Variants in ABCF2 observed in about 807,000 individuals in gnomAD.
ABCF2 encodes ATP binding cassette subfamily F member 2.
A neutral mutation model predicts 76.9 loss-of-function variants in ABCF2; 37 were observed. That is an observed-to-expected ratio of 0.48 (90% CI 0.37 to 0.63). ABCF2 has a LOEUF of 0.63. Ranked by LOEUF, ABCF2 falls within the 30% of genes least tolerant of loss-of-function variation. The pLI is 0.00. For missense variants in ABCF2, 524 were observed against 782.1 expected (o/e 0.67, Z 3.94); for synonymous variants, 299 against 283.7 (o/e 1.05, Z -0.54).
Position 151,215,797 on chromosome 7 carries a change from G to C in ABCF2, c.1402-65C>G, listed in dbSNP as rs145187860. The C allele has an allele frequency of 3.1e-3, 4,936 of 1,610,140 alleles. 12 individuals carry two copies. Among genetic ancestry groups the C allele is most frequent in the Non-Finnish European group, 3.8e-3 (4,428 of 1,177,344 alleles). ...CCCGCTTCAAAATAAACCCTACTAG[G>C]TAACTTCCTATTTCTATCCCAGGCA... On this transcript the variant is annotated intron_variant, in intron 12 of 14. Transcript: ENST00000287844. The surrounding 1 kb of genome is among the most constrained non-coding windows in gnomAD (Gnocchi z 4.6).
intron 6 of ABCF2, 139 bp downstream of exon 6, chr7:151,222,382 G>C: frequency 1.7e-6 from 1 of 605,898 alleles, no homozygotes; most frequent in Non-Finnish European, 2.9e-6. Flanking sequence ...GGTGCTCACT[G>C]CTTGTCCAAG....
At position 151,222,623 on chromosome 7, in the gene ABCF2, G is replaced by A. The variant is rs1802294000; in HGVS notation, c.723-7C>T. 1 of 1,611,418 alleles carries A rather than the reference G, an allele frequency of 6.2e-7. No homozygotes were observed. Among genetic ancestry groups the A allele is most frequent in the African/African-American group, 1.3e-5 (1 of 74,812 alleles). ...GGGCCGAATAAAGAGGGCTCTGAAG[G>A]ACGGTAAAGGAGACAGAAGCACCTC... On this transcript the variant is annotated splice_region_variant and splice_polypyrimidine_tract_variant and intron_variant, in intron 5 of 14. Coordinates refer to ENST00000287844, the MANE Select transcript of ABCF2 (RefSeq NM_007189.3).
rs1402108859 is a variant in ABCF2 at position 151,213,841 on chromosome 7, T to C, written c.*213A>G. ...CCAGCCGAGTCCAGACATGGACAGA[T>C]GTAACTGGAAGGAGGACAGGAAACA... On this transcript the variant is annotated 3_prime_UTR_variant, in exon 15 of 15. Transcript: ENST00000287844. 5.2e-5 allele frequency: 72 copies of C among 1,393,286 alleles called. No homozygotes were observed. The highest frequency in any genetic ancestry group is 1.4e-5 in the Non-Finnish European group (15 of 1,079,202). 86.3% of individuals were successfully genotyped at this position (1,393,286 alleles called of 1,614,324 possible). A position where few individuals can be genotyped will look rare whatever the true frequency, so the allele number is the denominator to read the frequency against.
intron 3 of ABCF2, among the ~76,000 whole-genome samples, chr7:151,224,489 C>A (rs1802334852): frequency 6.6e-6 from 1 of 152,170 alleles, no homozygotes; most frequent in Non-Finnish European, 1.5e-5. Context: ...GAAATGCTCA[C>A]TGGAGAATTT....
rs1195332654 is a variant in ABCF2, at chr7:151,213,714, C to T, written c.*340G>A. The stretch of plus-strand genomic sequence containing the variant: ...AGAAAACGAGGATCCTAAGCTCCTC[C>T]GCAGGCCAAATCCAGGGCTTGGGCC... On this transcript the variant is annotated 3_prime_UTR_variant, in exon 15 of 15. Coordinates refer to ENST00000287844, the MANE Select transcript of ABCF2 (RefSeq NM_007189.3). 37 of 1,086,232 alleles carry T rather than the reference C, an allele frequency of 3.4e-5. No individual in the cohort carries two copies. In the South Asian group the frequency reaches 4.0e-4, roughly 12 times the overall value. The allele number at this position is 1,086,232 out of a possible 1,614,324, so 67.3% of individuals were successfully genotyped here.
rs781050425 is a variant in ABCF2, at chr7:151,215,947, TC to T, written c.1401+19del. The T allele has an allele frequency of 2.8e-5, 45 of 1,613,532 alleles. No homozygotes were observed. The highest frequency in any genetic ancestry group is 3.4e-5 in the Non-Finnish European group (40 of 1,179,598). On this transcript the variant is annotated intron_variant, in intron 12 of 14. Transcript: ENST00000287844. The surrounding 1 kb of genome is among the most constrained non-coding windows in gnomAD (Gnocchi z 4.6). ...CCTATACCCTGGGCAATTCCCCGGA[TC>T]CCAACCCCAGGCCTGTACCTGATGG...
Position 151,222,341 on chromosome 7 carries a change from A to G in ABCF2, c.818+180T>C, listed in dbSNP as rs151116453. On this transcript the variant is annotated intron_variant, in intron 6 of 14. Transcript: ENST00000287844. ...ATTTCAAACTAAAGAAAAACAATCA[A>G]AATAAAAGGCCAGCCTTCAACAGCC... 2.5e-3 allele frequency among the ~76,000 whole-genome samples: 379 copies of G among 152,306 alleles called. 4 individuals are homozygous for G. In the East Asian group the frequency reaches 0.029, roughly 12 times the overall value.
intron 7 of ABCF2, 50 bp downstream of exon 7, chr7:151,221,528 A>G (rs746629498): frequency 1.8e-6 from 2 of 1,141,250 alleles, no homozygotes; most frequent in African/African-American, 3.2e-5. Flanking sequence ...AGAGAATTTC[A>G]GAGAATTGGT....
chr7:151,219,521 C>T (rs1269006189), intron 7 of ABCF2, among the ~76,000 whole-genome samples: 1 of 152,172 alleles, frequency 6.6e-6, no homozygotes, highest in Non-Finnish European at 1.5e-5. Context: ...GAGGCTGAAG[C>T]CCCACAAAAG....
Position 151,213,955 on chromosome 7 carries a change from T to C in ABCF2, c.*99A>G. ...GGCTGGGGGAGCAGTATTGCAGCAA[T>C]GCAGGAGTGTAGCCCCAGGGTCCTG... On this transcript the variant is annotated 3_prime_UTR_variant, in exon 15 of 15. Transcript: ENST00000287844. 3 of 1,549,078 alleles carry C rather than the reference T, an allele frequency of 1.9e-6. No individual in the cohort carries two copies. Among genetic ancestry groups the C allele is most frequent in the East Asian group, 2.3e-5 (1 of 44,250 alleles).
Position 151,215,946 on chromosome 7 carries a change from A to G in ABCF2, c.1401+21T>C, listed in dbSNP as rs1314583707. 6 of 1,613,488 alleles carry G rather than the reference A, an allele frequency of 3.7e-6. No homozygotes were observed. The highest frequency in any genetic ancestry group is 3.3e-5 in the Admixed American group (2 of 59,984). ...CCCTATACCCTGGGCAATTCCCCGG[A>G]TCCCAACCCCAGGCCTGTACCTGAT... On this transcript the variant is annotated intron_variant, in intron 12 of 14. Transcript: ENST00000287844. The surrounding 1 kb of genome is among the most constrained non-coding windows in gnomAD (Gnocchi z 4.6).
At chr7:151,222,240 T>A (rs962859423) in intron 6 of ABCF2, among the ~76,000 whole-genome samples, 1 of 152,016 alleles carries the variant, frequency 6.6e-6, no homozygotes, top group South Asian at 2.1e-4. Flanking sequence ...AAAAAAAATA[T>A]ATCTTTAATT....
At position 151,212,780 on chromosome 7, in the gene ABCF2, G is replaced by A. The variant is rs1300186565; in HGVS notation, c.*1274C>T. On this transcript the variant is annotated 3_prime_UTR_variant, in exon 15 of 15. Coordinates refer to ENST00000287844, the MANE Select transcript of ABCF2 (RefSeq NM_007189.3). Reference sequence around the variant, plus strand: ...TGATGAGCTTACAGTCGGATTACAGGTGTGAGCCACTGTGCCTGGCCAGTC... The same window carrying A: ...TGATGAGCTTACAGTCGGATTACAGATGTGAGCCACTGTGCCTGGCCAGTC... 1 of 155,114 alleles carries A rather than the reference G, an allele frequency of 6.4e-6. No homozygotes were observed. The highest frequency in any genetic ancestry group is 1.4e-5 in the Non-Finnish European group (1 of 70,778). 9.6% of individuals were successfully genotyped at this position (155,114 alleles called of 1,614,324 possible).
chr7:151,213,569 T>A lies in ABCF2; in HGVS notation c.*485A>T. On this transcript the variant is annotated 3_prime_UTR_variant, in exon 15 of 15. Transcript: ENST00000287844. ...TGTCACGCAGGTCTAAAAGTTACAC[T>A]GCTAAATAATTATTTAAAAACTGAC... is the stretch of plus-strand genomic sequence containing the variant. 7.1e-6 allele frequency: 7 copies of A among 987,302 alleles called. No homozygotes were observed. Among genetic ancestry groups the A allele is most frequent in the Non-Finnish European group, 8.4e-6 (7 of 831,412 alleles). The allele number at this position is 987,302 out of a possible 1,614,324, so 61.2% of individuals were successfully genotyped here.
In ABCF2 at chr7:151,224,851, G is replaced by C; in HGVS notation, c.292C>G (p.Gln98Glu). ...IINLSLTFHGQELLSDTKLEL... is the reference protein window; with the variant it reads ...IINLSLTFHGEELLSDTKLEL... ...AGTTTGGTGTCACTGAGCAGCTCTT[G>C]ACCATGAAAGGTAAGTGAGAGGTTG... The change falls in exon 3 of 15, where the codon CAA becomes GAA. Residue 98 changes from glutamine to glutamate, a missense_variant. This residue lies in a region of ABCF2 where 330 missense variants were observed against 433.6 expected (regional missense o/e 0.76). Coordinates refer to ENST00000287844, the MANE Select transcript of ABCF2 (RefSeq NM_007189.3). 6.2e-7 allele frequency: 1 copy of C among 1,614,194 alleles called. No homozygotes were observed. Among genetic ancestry groups the C allele is most frequent in the Non-Finnish European group, 8.5e-7 (1 of 1,180,036 alleles).
rs528203375 is a variant in ABCF2, at chr7:151,218,663, G to C, written c.1138-13C>G. On this transcript the variant is annotated splice_polypyrimidine_tract_variant and intron_variant, in intron 9 of 14. Coordinates refer to ENST00000287844, the MANE Select transcript of ABCF2 (RefSeq NM_007189.3). ...AAAATGACAGTGTCTAGGAAGAAAAGAGGGCATTTATCAAGTTGGCTCCTT... is the reference window on the plus strand; with the variant it reads ...AAAATGACAGTGTCTAGGAAGAAAACAGGGCATTTATCAAGTTGGCTCCTT... 18 of 1,613,998 alleles carry C rather than the reference G, an allele frequency of 1.1e-5. No homozygotes were observed. In the East Asian group the frequency reaches 3.6e-4, roughly 32 times the overall value.
rs1002092332 is a variant in ABCF2 at position 151,214,267 on chromosome 7, C to T, written c.1735-76G>A. The T allele has an allele frequency of 5.6e-6, 9 of 1,605,196 alleles. No individual in the cohort carries two copies. The highest frequency in any genetic ancestry group is 4.0e-5 in the African/African-American group (3 of 74,544). ...CTGCCCAGCAGACTGTCCTGAGGGGCGTCTAGGAAGAAAACTCCGCCCCCC... is the reference window on the plus strand; with the variant it reads ...CTGCCCAGCAGACTGTCCTGAGGGGTGTCTAGGAAGAAAACTCCGCCCCCC... On this transcript the variant is annotated intron_variant, in intron 14 of 14. Coordinates refer to ENST00000287844, the MANE Select transcript of ABCF2 (RefSeq NM_007189.3). This position sits in a 1 kb window ranked among gnomAD's most constrained non-coding sequence, Gnocchi z 4.9.
chr7:151,218,327 ACC>A (rs1481611379), intron 10 of ABCF2, 136 bp from the exon 11 acceptor site: 42 of 715,600 alleles, frequency 5.9e-5, no homozygotes, highest in Non-Finnish European at 3.8e-5. Context: ...CTCATAGCAG[ACC>A]CCGCCTCGCC....
rs759808905 is a variant in ABCF2 at position 151,215,629 on chromosome 7, C to T, written c.1505G>A (p.Arg502Gln). The change falls in exon 13 of 15, where the codon CGA (arginine) becomes CAA (glutamine). Residue 502 changes from arginine (R) to glutamine (Q), a missense_variant. Physicochemically the swap from Arg to Gln is conservative, Grantham distance 43. Transcript: ENST00000287844. The surrounding 1 kb of genome is among the most constrained non-coding windows in gnomAD (Gnocchi z 4.6). ...EKEEMRKIIG[R>Q]YGLTGKQQVS... ...CTGTTGTTTCCCAGTGAGACCGTAT[C>T]GCCCAATGATCTTCCTCATTTCTTC... The T allele has an allele frequency of 5.0e-6, 8 of 1,614,122 alleles. No individual in the cohort carries two copies. Among genetic ancestry groups the T allele is most frequent in the Non-Finnish European group, 5.9e-6 (7 of 1,180,014 alleles).
Sources: gnomAD v4.1 joint callset for allele counts (sites outside exome capture counted in the v4.1 genomes callset) on GRCh38, gnomAD v4.1.1 for gene constraint, gnomAD v4.1.1 regional missense constraint, Gnocchi (gnomAD v3.1) non-coding constraint, MANE v1.5 for transcripts, NCBI Gene and HGNC (gene_info 2026-07-23, HGNC 2026-07-21) for gene names.